Variants in STS observed in about 807,000 individuals in gnomAD.
The protein encoded by STS is steryl-sulfatase.
In STS, 7 loss-of-function variants were observed where a neutral mutation model predicts 26.8. The observed-to-expected ratio is 0.26, with a 90% confidence interval of 0.15 to 0.49. STS has a LOEUF of 0.49. STS is among the 20% of genes least tolerant of loss of function. The pLI is 0.98. For synonymous variants in STS, 199 were observed against 189.4 expected, an observed-to-expected ratio of 1.05 and a Z score of -0.42; for missense variants, 434 against 465.6, an observed-to-expected ratio of 0.93 and a Z score of 0.63.
At chrX:7,336,383 A>G (rs1347882238) in intron 10 of STS, among the ~76,000 whole-genome samples, 1 of 111,310 alleles carries the variant, frequency 9.0e-6, no homozygotes, top group Non-Finnish European at 1.9e-5. Flanking sequence ...AAGACTTATC[A>G]TTTAAAGAAA....
In STS at chrX:7,147,984, C is replaced by G. The variant is rs754264736; in HGVS notation, c.-233C>G. 52 of 864,772 alleles carry G rather than the reference C, an allele frequency of 6.0e-5. No individual in the cohort carries two copies. The African/African-American group carries it at 9.9e-4, about 16-fold the overall frequency. 71.3% of individuals were successfully genotyped at this position (864,772 alleles called of 1,213,427 possible). A position where few individuals can be genotyped will look rare whatever the true frequency, so the allele number is the denominator to read the frequency against. Reference sequence around the variant, plus strand: ...CCGCGGCCCCCAGGCCGTGACGTACCCCGCGCCGACCGTCCCCACGCCCAC... The same window carrying G: ...CCGCGGCCCCCAGGCCGTGACGTACGCCGCGCCGACCGTCCCCACGCCCAC... On this transcript the variant is annotated 5_prime_UTR_variant, in exon 1 of 11. Transcript: ENST00000674429.
intron 1 of STS, among the ~76,000 whole-genome samples, chrX:7,171,464 C>T (rs1197883035): frequency 9.0e-6 from 1 of 111,700 alleles, no homozygotes; most frequent in African/African-American, 3.3e-5. Flanking sequence ...AATGGCCAAT[C>T]AGCTTCTGCA....
At position 7,325,226 on chromosome X, in the gene STS, A is replaced by G. The variant is rs1478629092; in HGVS notation, c.1082-113A>G. 6.6e-6 allele frequency: 5 copies of G among 763,087 alleles called. No individual in the cohort carries two copies. The Admixed American group carries it at 1.1e-4, about 16-fold the overall frequency. The allele number at this position is 763,087 out of a possible 1,213,427, so 62.9% of individuals were successfully genotyped here. A position where few individuals can be genotyped will look rare whatever the true frequency, so the allele number is the denominator to read the frequency against. On this transcript the variant is annotated intron_variant, in intron 8 of 10. Transcript: ENST00000674429. Reference sequence around the variant, plus strand: ...CATGGAATACTCATAGATGGAATCTATGTAATTAGAGCAGTTGGTTCTTCT... The same window carrying G: ...CATGGAATACTCATAGATGGAATCTGTGTAATTAGAGCAGTTGGTTCTTCT...
At chrX:7,274,191 T>G (rs745806037) in intron 6 of STS, among the ~76,000 whole-genome samples, 1 of 111,223 alleles carries the variant, frequency 9.0e-6, no homozygotes, top group East Asian at 2.8e-4. Context: ...AAATCTGAAG[T>G]GTAGTTATTT....
chrX:7,257,474 T>A lies in STS; in HGVS notation c.268T>A (p.Ser90Thr). 1 of 1,212,295 alleles carries A rather than the reference T, an allele frequency of 8.2e-7. No homozygotes were observed. Among genetic ancestry groups the A allele is most frequent in the Non-Finnish European group, 1.1e-6 (1 of 895,557 alleles). ...ATTTTTTCCTGGTCCAGGAATGGCA[T>A]CTTGGTCCCGCACTGGAGTTTTCCT... ...GRYPVRSGMA[S>T]WSRTGVFLFT... The change falls in exon 5 of 11, where the codon TCT becomes ACT. Residue 90 changes from serine (S) to threonine (T), a missense_variant. By Grantham distance (58) the Ser-to-Thr change is moderately conservative. Transcript: ENST00000674429.
Position 7,314,696 on chromosome X carries a change from A to G in STS, c.1081+9513A>G, listed in dbSNP as rs1008306405. On this transcript the variant is annotated intron_variant, in intron 8 of 10. Coordinates refer to ENST00000674429, the MANE Select transcript of STS (RefSeq NM_001320752.2). The stretch of plus-strand genomic sequence containing the variant: ...CTGTTGTTGAAAAAGTCACATGGAC[A>G]GGCAGGAGATTGTGATCCCGTAATG... Among the ~76,000 whole-genome samples the G allele has an allele frequency of 4.4e-5, 5 of 113,036 alleles. No homozygotes were observed. In the East Asian group the frequency reaches 1.1e-3, roughly 25 times the overall value.
At chrX:7,209,712 A>G (rs1167324343) in intron 2 of STS, among the ~76,000 whole-genome samples, 1 of 108,329 alleles carries the variant, frequency 9.2e-6, no homozygotes, top group African/African-American at 3.4e-5. Flanking sequence ...GGTTAGTTAC[A>G]TAGGATACAT....
chrX:7,171,231 T>A (rs1464431018), intron 1 of STS, among the ~76,000 whole-genome samples: 4 of 111,469 alleles, frequency 3.6e-5, no homozygotes, highest in African/African-American at 9.8e-5. Flanking sequence ...ATTCCAAGAC[T>A]CTCTGAGTTG....
chrX:7,334,277 G>A (rs1465191672), intron 10 of STS, among the ~76,000 whole-genome samples, 170 bp downstream of exon 10: 1 of 110,843 alleles, frequency 9.0e-6, no homozygotes, highest in Non-Finnish European at 1.9e-5. Flanking sequence ...CTCTCTTTTC[G>A]TTCTGGTCAC....
At chrX:7,344,181 G>A (rs1439665084) in intron 10 of STS, among the ~76,000 whole-genome samples, 2 of 111,624 alleles carry the variant, frequency 1.8e-5, no homozygotes, top group Admixed American at 9.5e-5. Flanking sequence ...GACATTTCAG[G>A]GGCTCAGCCC....
intron 6 of STS, among the ~76,000 whole-genome samples, chrX:7,265,532 C>T (rs1923966899): frequency 8.9e-6 from 1 of 112,020 alleles, no homozygotes; most frequent in Non-Finnish European, 1.9e-5. Context: ...TTGATTATCT[C>T]TAATTATTAG....
At chrX:7,188,785 A>G (rs1438335240) in intron 1 of STS, among the ~76,000 whole-genome samples, 6 of 111,787 alleles carry the variant, frequency 5.4e-5, no homozygotes, top group Non-Finnish European at 1.1e-4. Flanking sequence ...GACCTTTCTT[A>G]TCTCGCAAGG....
Position 7,257,369 on chromosome X carries a change from C to T in STS, c.259+6C>T. 2 of 1,197,162 alleles carry T rather than the reference C, an allele frequency of 1.7e-6. No homozygotes were observed. The highest frequency in any genetic ancestry group is 1.7e-5 in the African/African-American group (1 of 57,880). On this transcript the variant is annotated splice_donor_region_variant and intron_variant, in intron 4 of 10. Transcript: ENST00000674429. ...CCGGTACCCTGTCCGATCAGGTAAC[C>T]TCCTATCTGCATCGCAGGGGCTGTG...
At chrX:7,249,958 C>G (rs1442492357) in intron 2 of STS, among the ~76,000 whole-genome samples, 1 of 110,988 alleles carries the variant, frequency 9.0e-6, no homozygotes, top group Non-Finnish European at 1.9e-5. Context: ...GAGAGAGTCT[C>G]ACTCTGTCAA....
intron 7 of STS, among the ~76,000 whole-genome samples, chrX:7,296,992 G>A (rs140203345): frequency 0.042 from 4,660 of 111,984 alleles, 228 homozygotes; most frequent in African/African-American, 0.14. Context: ...CTGTAGAATG[G>A]CGACATTGCA....
intron 2 of STS, among the ~76,000 whole-genome samples, chrX:7,233,504 C>T (rs1178074594): frequency 1.8e-5 from 2 of 111,584 alleles, no homozygotes; most frequent in Non-Finnish European, 3.8e-5. Context: ...AGTCTCCATA[C>T]GGTTTTTTAT....
Position 7,352,063 on chromosome X carries a change from G to A in STS, c.*1802G>A, listed in dbSNP as rs1402876970. On this transcript the variant is annotated 3_prime_UTR_variant, in exon 11 of 11. Coordinates refer to ENST00000674429, the MANE Select transcript of STS (RefSeq NM_001320752.2). ...TGGATTTCTCGTTCCAGAAATTGTG[G>A]GATAATCTGTATTCTTGCTTTAGAA... The A allele has an allele frequency of 9.0e-6, 1 of 111,417 alleles. No homozygotes were observed. Among genetic ancestry groups the A allele is most frequent in the Non-Finnish European group, 1.9e-5 (1 of 53,102 alleles). 9.2% of individuals were successfully genotyped at this position (111,417 alleles called of 1,213,427 possible).
At chrX:7,275,836 G>C in intron 6 of STS, 115 bp from the exon 7 acceptor site, 1 of 934,025 alleles carries the variant, frequency 1.1e-6, no homozygotes. Context: ...AATATTTTGT[G>C]AATTTTCAAA....
chrX:7,151,978 A>G (rs1182268805), intron 1 of STS, among the ~76,000 whole-genome samples: 2 of 110,883 alleles, frequency 1.8e-5, no homozygotes, highest in Non-Finnish European at 3.8e-5. Context: ...TTTGAGATGG[A>G]GTCTCACTCT....
Sources: gnomAD v4.1 joint callset for allele counts (sites outside exome capture counted in the v4.1 genomes callset) on GRCh38, gnomAD v4.1.1 for gene constraint, MANE v1.5 for transcripts, NCBI Gene and HGNC (gene_info 2026-07-23, HGNC 2026-07-21) for gene names.